Variants in PCDHGB5 observed in about 807,000 individuals in gnomAD.
PCDHGB5 encodes the protein protocadherin gamma subfamily B, 5.
A neutral mutation model predicts 62.9 loss-of-function variants in PCDHGB5; 48 were observed. The observed-to-expected ratio is 0.76, with a 90% CI of 0.61 to 0.97. PCDHGB5 has a LOEUF of 0.97. PCDHGB5 is among the 50% of genes least tolerant of loss of function. The pLI is 0.00. For synonymous variants in PCDHGB5, 474 were observed against 511.2 expected (o/e 0.93, Z 0.98); for missense variants, 1,118 against 1,198.6 (o/e 0.93, Z 0.99).
At chr5:141,419,088 T>C in intron 1 of PCDHGB5, 3 of 1,613,940 alleles carry the variant, frequency 1.9e-6, no homozygotes, top group Non-Finnish European at 2.5e-6. Context: ...GATGAGGCCC[T>C]GGATCGGGAG....
At position 141,493,026 on chromosome 5, in the gene PCDHGB5, C is replaced by G. The variant is rs73280358; in HGVS notation, c.2398-1781C>G. Reference sequence around the variant, plus strand: ...TAGGCTCTGCCAGATGCCAGGGTGCCCTTATGTGTGAGGAAACTACAATAG... The same window carrying G: ...TAGGCTCTGCCAGATGCCAGGGTGCGCTTATGTGTGAGGAAACTACAATAG... On this transcript the variant is annotated intron_variant, in intron 1 of 3. Coordinates refer to ENST00000617380, the MANE Select transcript of PCDHGB5 (RefSeq NM_018925.3). This position sits in a 1 kb window ranked among gnomAD's most constrained non-coding sequence, Gnocchi z 4.3. 0.039 allele frequency among the ~76,000 whole-genome samples: 5,923 copies of G among 152,298 alleles called. 150 individuals are homozygous for G. The highest frequency in any genetic ancestry group is 0.077 in the South Asian group (370 of 4,822).
In PCDHGB5 at chr5:141,486,913, G is replaced by A. The variant is rs2099636995; in HGVS notation, c.2398-7894G>A. ...CTGGTTCCTTATGTCCCCAAGCACT[G>A]CCTCCATCAGTTGGTGCTGGCCACC... On this transcript the variant is annotated intron_variant, in intron 1 of 3. Transcript: ENST00000617380. The surrounding 1 kb of genome is among the most constrained non-coding windows in gnomAD (Gnocchi z 5.0). The A allele has an allele frequency of 1.9e-6, 3 of 1,614,092 alleles. No individual in the cohort carries two copies. The highest frequency in any genetic ancestry group is 1.3e-5 in the African/African-American group (1 of 74,938).
chr5:141,487,392 G>A lies in PCDHGB5; in HGVS notation c.2398-7415G>A, dbSNP rs773126086. 2 of 1,614,176 alleles carry A rather than the reference G, an allele frequency of 1.2e-6. No individual in the cohort carries two copies. Among genetic ancestry groups the A allele is most frequent in the Non-Finnish European group, 1.7e-6 (2 of 1,180,024 alleles). On this transcript the variant is annotated intron_variant, in intron 1 of 3. Transcript: ENST00000617380. This position sits in a 1 kb window ranked among gnomAD's most constrained non-coding sequence, Gnocchi z 5.0. ...GCCTGTCTCACCAGATCTCGAAGGA[G>A]GGAGGGGCTTCCCCCTTCCAATGGG...
intron 1 of PCDHGB5, among the ~76,000 whole-genome samples, chr5:141,466,540 G>T (rs1302720337): frequency 6.6e-6 from 1 of 152,094 alleles, no homozygotes; most frequent in Non-Finnish European, 1.5e-5. Context: ...GATGTAGATG[G>T]TCTTTTGCTG....
intron 1 of PCDHGB5, chr5:141,410,443 T>A (rs1207487083): frequency 6.2e-7 from 1 of 1,613,926 alleles, no homozygotes; most frequent in Non-Finnish European, 8.5e-7. Context: ...GTGAGGGGAC[T>A]TTGCCTTATT....
rs561569572 is a variant in PCDHGB5, at chr5:141,512,054, C to A, written c.*881C>A. 6.5e-6 allele frequency: 1 copy of A among 152,828 alleles called. No individual in the cohort carries two copies. The highest frequency in any genetic ancestry group is 1.9e-4 in the East Asian group (1 of 5,184). The allele number at this position is 152,828 out of a possible 1,614,324, so 9.5% of individuals were successfully genotyped here. On this transcript the variant is annotated 3_prime_UTR_variant, in exon 4 of 4. Coordinates refer to ENST00000617380, the MANE Select transcript of PCDHGB5 (RefSeq NM_018925.3). Reference sequence around the variant, plus strand: ...GGAGGCTCTGTATGTCCTCAGGGGACTGACAACATCCTCCAGATTCCAGCC... The same window carrying A: ...GGAGGCTCTGTATGTCCTCAGGGGAATGACAACATCCTCCAGATTCCAGCC...
chr5:141,432,209 A>C lies in PCDHGB5; in HGVS notation c.2397+31685A>C, dbSNP rs1473794319. ...CGCCCACGACCCCGACTGTGAAGAGAACGCCCAGATCACTTATTCCCTGGC... is the reference window on the plus strand; with the variant it reads ...CGCCCACGACCCCGACTGTGAAGAGCACGCCCAGATCACTTATTCCCTGGC... On this transcript the variant is annotated intron_variant, in intron 1 of 3. Transcript: ENST00000617380. This position sits in a 1 kb window ranked among gnomAD's most constrained non-coding sequence, Gnocchi z 6.0. 2 of 1,614,098 alleles carry C rather than the reference A, an allele frequency of 1.2e-6. No homozygotes were observed. Among genetic ancestry groups the C allele is most frequent in the Non-Finnish European group, 8.5e-7 (1 of 1,180,032 alleles).
At chr5:141,422,374 G>A (rs1268014814) in intron 1 of PCDHGB5, 1 of 1,570,452 alleles carries the variant, frequency 6.4e-7, no homozygotes, top group Non-Finnish European at 8.6e-7. Flanking sequence ...AAATGGTCAA[G>A]TCTCCTGTTT....
Position 141,477,060 on chromosome 5 carries a change from C to G in PCDHGB5, c.2398-17747C>G. On this transcript the variant is annotated intron_variant, in intron 1 of 3. Coordinates refer to ENST00000617380, the MANE Select transcript of PCDHGB5 (RefSeq NM_018925.3). The surrounding 1 kb of genome is among the most constrained non-coding windows in gnomAD (Gnocchi z 4.9). ...AAGGGTCGGCTGGACTTCGAGGACA[C>G]CAAACTCCATGAGATTTACATCCAG... The G allele has an allele frequency of 1.2e-6, 2 of 1,614,256 alleles. No individual in the cohort carries two copies. The highest frequency in any genetic ancestry group is 2.2e-5 in the South Asian group (2 of 91,086).
Position 141,510,979 on chromosome 5 carries a change from G to A in PCDHGB5, c.2578G>A (p.Gly860Ser). 6.2e-7 allele frequency: 1 copy of A among 1,614,156 alleles called. No homozygotes were observed. The highest frequency in any genetic ancestry group is 8.5e-7 in the Non-Finnish European group (1 of 1,180,018). Reference sequence around the variant, plus strand: ...TGATGGGAGCTCCACCCTGGGAGGGGGTGCCGGCACCATGGGATTGAGCGC... The same window carrying A: ...TGATGGGAGCTCCACCCTGGGAGGGAGTGCCGGCACCATGGGATTGAGCGC... ...AADGSSTLGG[G>S]AGTMGLSARY... The change falls in exon 4 of 4, where the codon GGT becomes AGT. Residue 860 changes from glycine (G) to serine (S), a missense_variant. Physicochemically the swap from Gly to Ser is moderately conservative, Grantham distance 56. This residue lies in a region of PCDHGB5 where 1,034 missense variants were observed against 1,029.1 expected (regional missense o/e 1.00). Transcript: ENST00000617380.
chr5:141,486,803 C>T lies in PCDHGB5; in HGVS notation c.2398-8004C>T. 1 of 1,614,228 alleles carries T rather than the reference C, an allele frequency of 6.2e-7. No homozygotes were observed. Among genetic ancestry groups the T allele is most frequent in the South Asian group, 1.1e-5 (1 of 91,084 alleles). ...GCAGGCCCGGGATCGGGGCAACCCACCCCTTAGCAGCACTGTAACAGTTCG... is the reference window on the plus strand; with the variant it reads ...GCAGGCCCGGGATCGGGGCAACCCATCCCTTAGCAGCACTGTAACAGTTCG... On this transcript the variant is annotated intron_variant, in intron 1 of 3. Coordinates refer to ENST00000617380, the MANE Select transcript of PCDHGB5 (RefSeq NM_018925.3). The surrounding 1 kb of genome is among the most constrained non-coding windows in gnomAD (Gnocchi z 5.0).
intron 1 of PCDHGB5, among the ~76,000 whole-genome samples, chr5:141,467,359 A>G (rs997614051): frequency 1.3e-5 from 2 of 151,714 alleles, no homozygotes; most frequent in African/African-American, 4.8e-5. Context: ...GGCCAAATCA[A>G]CGTTTTCTTA....
chr5:141,488,564 G>A (rs1047904416), intron 1 of PCDHGB5, among the ~76,000 whole-genome samples: 4 of 152,154 alleles, frequency 2.6e-5, no homozygotes, highest in Non-Finnish European at 5.9e-5. Context: ...TGAGATTTCC[G>A]CAAAGCATTG....
chr5:141,435,792 A>G (rs2097780110), intron 1 of PCDHGB5, among the ~76,000 whole-genome samples: 1 of 152,074 alleles, frequency 6.6e-6, no homozygotes, highest in South Asian at 2.1e-4. Context: ...AGGGAAACAT[A>G]ACGTCCCAAT....
Position 141,490,121 on chromosome 5 carries a change from G to A in PCDHGB5, c.2398-4686G>A. On this transcript the variant is annotated intron_variant, in intron 1 of 3. Coordinates refer to ENST00000617380, the MANE Select transcript of PCDHGB5 (RefSeq NM_018925.3). The surrounding 1 kb of genome is among the most constrained non-coding windows in gnomAD (Gnocchi z 5.4). Reference sequence around the variant, plus strand: ...TCTGAGGCAGTGCGGAACCTCTTTGGCCTAGACCCTAGCAGTGGGGCAATC... The same window carrying A: ...TCTGAGGCAGTGCGGAACCTCTTTGACCTAGACCCTAGCAGTGGGGCAATC... 1 of 1,614,256 alleles carries A rather than the reference G, an allele frequency of 6.2e-7. No individual in the cohort carries two copies. Among genetic ancestry groups the A allele is most frequent in the Non-Finnish European group, 8.5e-7 (1 of 1,180,052 alleles).
intron 1 of PCDHGB5, chr5:141,428,419 CTCTGT>C (rs2097138377): frequency 4.4e-6 from 2 of 451,802 alleles, no homozygotes; most frequent in African/African-American, 2.0e-5. Context: ...TCACCCTGGT[CTCTGT>C]TCTAAGACTA....
chr5:141,403,875 A>G (rs1311532081), intron 1 of PCDHGB5: 1 of 1,613,816 alleles, frequency 6.2e-7, no homozygotes, highest in South Asian at 1.1e-5. Context: ...AAAAGTCTAG[A>G]TTATGAAGAA....
Position 141,405,152 on chromosome 5 carries a change from G to T in PCDHGB5, c.2397+4628G>T, listed in dbSNP as rs550773622. Reference sequence around the variant, plus strand: ...GCGGGCTACCAGTGATGGGTTGGCTGGTGTGCCCACCTCACACTTTGTGGG... The same window carrying T: ...GCGGGCTACCAGTGATGGGTTGGCTTGTGTGCCCACCTCACACTTTGTGGG... On this transcript the variant is annotated intron_variant, in intron 1 of 3. Transcript: ENST00000617380. 180 of 1,613,896 alleles carry T rather than the reference G, an allele frequency of 1.1e-4. 1 individual carries two copies. In the South Asian group the frequency reaches 1.9e-3, roughly 17 times the overall value.
chr5:141,506,666 C>A (rs894880559), intron 3 of PCDHGB5, among the ~76,000 whole-genome samples: 2 of 152,120 alleles, frequency 1.3e-5, no homozygotes, highest in South Asian at 4.1e-4. Context: ...AGAGTAAGGG[C>A]ACAATATATT....
Sources: allele counts gnomAD v4.1 joint callset (sites outside exome capture counted in the v4.1 genomes callset), GRCh38; gene constraint gnomAD v4.1.1; regional missense constraint gnomAD v4.1.1; non-coding constraint Gnocchi (gnomAD v3.1); transcripts MANE v1.5; gene names NCBI Gene and HGNC (gene_info 2026-07-23, HGNC 2026-07-21).